The following ATP1B3 variants were observed in gnomAD, a reference collection of about 807,000 sequenced individuals.
ATP1B3 encodes ATPase Na+/K+ transporting subunit beta 3.
ATP1B3 carries 10 observed loss-of-function variants against 30.2 expected under a neutral mutation model. The ratio of observed to expected loss-of-function variants is 0.33; its 90% CI spans 0.20 to 0.56. The LOEUF (loss-of-function observed/expected upper bound fraction) is 0.56, where lower values mean the gene tolerates loss of function less well. ATP1B3 is among the 20% of genes least tolerant of loss of function. The pLI is 0.90. For missense variants in ATP1B3, 238 were observed against 336.7 expected, an observed-to-expected ratio of 0.71 and a Z score of 2.29; for synonymous variants, 113 against 117.0, an observed-to-expected ratio of 0.97 and a Z score of 0.22.
intron 1 of ATP1B3, among the ~76,000 whole-genome samples, chr3:141,885,853 C>T (rs1212767622): frequency 6.6e-6 from 1 of 151,126 alleles, no homozygotes; most frequent in Non-Finnish European, 1.5e-5. Context: ...AGACGATTGG[C>T]TTTCCAGCTT....
intron 1 of ATP1B3, among the ~76,000 whole-genome samples, chr3:141,878,015 A>G (rs1017700753): frequency 2.6e-5 from 4 of 152,236 alleles, no homozygotes; most frequent in African/African-American, 9.6e-5. Context: ...TGTGACTCAG[A>G]AAATAAACTG....
chr3:141,897,875 A>G (rs947777170), intron 1 of ATP1B3, among the ~76,000 whole-genome samples: 4 of 152,088 alleles, frequency 2.6e-5, no homozygotes, highest in African/African-American at 9.7e-5. Flanking sequence ...ATGCCCAGCT[A>G]ATTTTTGTAA....
chr3:141,901,280 T>A (rs1934159608), intron 1 of ATP1B3, among the ~76,000 whole-genome samples: 1 of 152,174 alleles, frequency 6.6e-6, no homozygotes, highest in Non-Finnish European at 1.5e-5. Context: ...ACGCCGCCAT[T>A]TAGAGCCCCA....
At chr3:141,881,926 A>G (rs534102611) in intron 1 of ATP1B3, among the ~76,000 whole-genome samples, 1 of 152,306 alleles carries the variant, frequency 6.6e-6, no homozygotes, top group African/African-American at 2.4e-5. Flanking sequence ...TTGTCCAGGA[A>G]GTAGTCCTGT....
intron 6 of ATP1B3, among the ~76,000 whole-genome samples, chr3:141,924,876 C>G (rs2107781604): frequency 6.6e-6 from 1 of 152,210 alleles, no homozygotes; most frequent in African/African-American, 2.4e-5. Flanking sequence ...TCACTTGAAC[C>G]CGGGAGTCAG....
intron 1 of ATP1B3, among the ~76,000 whole-genome samples, chr3:141,899,393 A>G (rs1467826854): frequency 1.3e-5 from 2 of 152,200 alleles, no homozygotes; most frequent in African/African-American, 2.4e-5. Flanking sequence ...GCTAGTCATC[A>G]GTATTTTCTG....
At chr3:141,878,917 C>T (rs1933660200) in intron 1 of ATP1B3, among the ~76,000 whole-genome samples, 1 of 152,176 alleles carries the variant, frequency 6.6e-6, no homozygotes, top group Non-Finnish European at 1.5e-5. Context: ...ATTCAGCTTG[C>T]CAGGCTGTGT....
intron 1 of ATP1B3, among the ~76,000 whole-genome samples, chr3:141,898,569 C>CA (rs1934110378): frequency 6.6e-6 from 1 of 152,088 alleles, no homozygotes; most frequent in Non-Finnish European, 1.5e-5. Flanking sequence ...ATTGTATCCA[C>CA]TAGGATAGCT....
chr3:141,916,158 C>T, intron 5 of ATP1B3, 138 bp downstream of exon 5: 2 of 675,252 alleles, frequency 3.0e-6, no homozygotes, highest in Non-Finnish European at 4.9e-6. Context: ...TAAAATTCCA[C>T]CAACCGTAGT....
Position 141,926,036 on chromosome 3 carries a change from T to C in ATP1B3, c.*335T>C. ...TTAATATGCCGTGCTATGTAAATAT[T>C]TTATGGATATAACAACTGTCATATT... On this transcript the variant is annotated 3_prime_UTR_variant, in exon 7 of 7. Coordinates refer to ENST00000286371, the MANE Select transcript of ATP1B3 (RefSeq NM_001679.4). The C allele has an allele frequency of 4.9e-6, 1 of 202,216 alleles. No individual in the cohort carries two copies. The highest frequency in any genetic ancestry group is 5.6e-5 in the Admixed American group (1 of 17,706). 12.5% of individuals were successfully genotyped at this position (202,216 alleles called of 1,614,324 possible). A position where few individuals can be genotyped will look rare whatever the true frequency, so the allele number is the denominator to read the frequency against.
intron 6 of ATP1B3, among the ~76,000 whole-genome samples, chr3:141,924,119 G>A (rs919350825): frequency 1.2e-4 from 19 of 152,092 alleles, no homozygotes; most frequent in African/African-American, 3.4e-4. Flanking sequence ...TGAGACAGGC[G>A]GATCACCTGA....
chr3:141,925,471 TAGAG>T, intron 6 of ATP1B3, 56 bp from the exon 7 acceptor site: 3 of 1,516,198 alleles, frequency 2.0e-6, no homozygotes, highest in South Asian at 1.3e-5. Flanking sequence ...CAATTCCTGG[TAGAG>T]AGAAGTATTA....
intron 2 of ATP1B3, among the ~76,000 whole-genome samples, chr3:141,906,289 C>T (rs1026146997): frequency 2.6e-5 from 4 of 151,972 alleles, no homozygotes; most frequent in Admixed American, 1.3e-4. Flanking sequence ...AAGCAGTTCT[C>T]CTGCCTCAGT....
chr3:141,917,700 CA>C (rs1237036522), intron 5 of ATP1B3, among the ~76,000 whole-genome samples: 2 of 151,912 alleles, frequency 1.3e-5, no homozygotes, highest in Non-Finnish European at 2.9e-5. Context: ...CACACACACA[CA>C]AAAAGCCAGA....
chr3:141,890,513 G>C (rs1013667176), intron 1 of ATP1B3, among the ~76,000 whole-genome samples: 2 of 151,806 alleles, frequency 1.3e-5, no homozygotes, highest in Non-Finnish European at 2.9e-5. Context: ...ATGTTGGCCA[G>C]GCTGGTCTCG....
At chr3:141,894,433 C>T (rs1934020575) in intron 1 of ATP1B3, among the ~76,000 whole-genome samples, 1 of 152,184 alleles carries the variant, frequency 6.6e-6, no homozygotes, top group Non-Finnish European at 1.5e-5. Flanking sequence ...TATGGGATTG[C>T]AGGTGTGAGC....
intron 1 of ATP1B3, among the ~76,000 whole-genome samples, chr3:141,889,384 G>T (rs1933893105): frequency 6.6e-6 from 1 of 151,836 alleles, no homozygotes; most frequent in Non-Finnish European, 1.5e-5. Context: ...TTTTATCTAG[G>T]ATAAACTGAG....
intron 3 of ATP1B3, among the ~76,000 whole-genome samples, chr3:141,908,693 C>T (rs1559871329): frequency 6.6e-6 from 1 of 152,210 alleles, no homozygotes; most frequent in Non-Finnish European, 1.5e-5. Flanking sequence ...GCCTGGTAAT[C>T]CTATGGAATT....
chr3:141,879,865 A>T (rs1472705851), intron 1 of ATP1B3, among the ~76,000 whole-genome samples: 1 of 71,852 alleles, frequency 1.4e-5, no homozygotes, highest in Non-Finnish European at 3.0e-5. Flanking sequence ...CATTTTGCAA[A>T]TTTTTTTTCT....
Sources: allele counts gnomAD v4.1 joint callset (sites outside exome capture counted in the v4.1 genomes callset), GRCh38; gene constraint gnomAD v4.1.1; transcripts MANE v1.5; gene names NCBI Gene and HGNC (gene_info 2026-07-23, HGNC 2026-07-21).